The following RNF213 variants were observed in gnomAD, a reference collection of about 807,000 sequenced individuals.
RNF213 encodes the protein E3 ubiquitin-protein ligase RNF213.
In RNF213, 341 loss-of-function variants were observed where a neutral mutation model predicts 514.4. That is an observed-to-expected ratio of 0.66 (90% CI 0.61 to 0.73). The LOEUF is 0.73. Ranked by LOEUF, RNF213 falls within the 30% of genes least tolerant of loss-of-function variation. The pLI is 0.00. For missense variants in RNF213, 5,767 were observed against 6,615.6 expected, an observed-to-expected ratio of 0.87 and a Z score of 4.45; for synonymous variants, 2,655 against 2,658.2, an observed-to-expected ratio of 1.00 and a Z score of 0.04.
chr17:80,376,012 C>CGTT, intron 51 of RNF213, 142 bp downstream of exon 51: 1 of 772,394 alleles, frequency 1.3e-6, no homozygotes, highest in Non-Finnish European at 2.2e-6. Flanking sequence ...TGTGGAGGAA[C>CGTT]ACATAACCAA....
chr17:80,317,291 G>A lies in RNF213; in HGVS notation c.2901+14G>A. ...AGGCTCACAAAGGTACCAAAAGTTT[G>A]GGGGCAGTCTTTTCAGGGCGTGAAG... On this transcript the variant is annotated intron_variant, in intron 16 of 67. Coordinates refer to ENST00000582970, the MANE Select transcript of RNF213 (RefSeq NM_001256071.3). This position sits in a 1 kb window ranked among gnomAD's most constrained non-coding sequence, Gnocchi z 4.1. 1 of 1,610,390 alleles carries A rather than the reference G, an allele frequency of 6.2e-7. No homozygotes were observed.
At chr17:80,261,925 G>T (rs2043437751) in intron 1 of RNF213, among the ~76,000 whole-genome samples, 1 of 152,246 alleles carries the variant, frequency 6.6e-6, no homozygotes, top group African/African-American at 2.4e-5. Context: ...ACTGAGGCGG[G>T]AGAATCGCTA....
chr17:80,287,431 A>C (rs1397975879), intron 3 of RNF213, among the ~76,000 whole-genome samples: 6 of 152,228 alleles, frequency 3.9e-5, no homozygotes, highest in African/African-American at 1.2e-4. Context: ...TGAGCCCAGG[A>C]GGTCAAGGCT....
At chr17:80,312,722 T>G (rs1472523284) in intron 14 of RNF213, among the ~76,000 whole-genome samples, 3 of 152,206 alleles carry the variant, frequency 2.0e-5, no homozygotes, top group African/African-American at 7.2e-5. Flanking sequence ...CCTGGGGACC[T>G]GCTCATTGGC....
At position 80,376,472 on chromosome 17, in the gene RNF213, G is replaced by C. The variant is rs142055624; in HGVS notation, c.13357G>C (p.Val4453Leu). 3 of 1,614,164 alleles carry C rather than the reference G, an allele frequency of 1.9e-6. No individual in the cohort carries two copies. The South Asian group carries it at 3.3e-5, about 18-fold the overall frequency. Reference sequence around the variant, plus strand: ...AGAAATGGCCATTCATGCTGCAGCCGTCCTTCTGTGTGGACAGAATGAACT... The same window carrying C: ...AGAAATGGCCATTCATGCTGCAGCCCTCCTTCTGTGTGGACAGAATGAACT... ...VTEMAIHAAA[V>L]LLCGQNELLE... Residue 4453 changes from valine (V) to leucine (L), a missense_variant, in exon 52 of 68, where the codon GTC becomes CTC. Coordinates refer to ENST00000582970, the MANE Select transcript of RNF213 (RefSeq NM_001256071.3).
chr17:80,309,827 C>T (rs1465569194), intron 14 of RNF213, among the ~76,000 whole-genome samples: 1 of 152,014 alleles, frequency 6.6e-6, no homozygotes, highest in East Asian at 1.9e-4. Context: ...GTGATCTCGG[C>T]TTACTGCAAG....
intron 67 of RNF213, among the ~76,000 whole-genome samples, 200 bp downstream of exon 67, chr17:80,390,396 T>G (rs1255063005): frequency 6.6e-6 from 1 of 152,218 alleles, no homozygotes; most frequent in African/African-American, 2.4e-5. Flanking sequence ...ACAAGTGTTT[T>G]TCAGACAAGA....
Position 80,386,745 on chromosome 17 carries a change from G to A in RNF213, c.14776G>A (p.Glu4926Lys). ...ACTGCATGTCATCAGTTATGAAGTG[G>A]AGCGGGACCTGACTCCACTGATTCT... ...TELHVISYEV[E>K]RDLTPLILSN... The change falls in exon 63 of 68, where the codon GAG becomes AAG. Residue 4926 changes from glutamate (E) to lysine (K), a missense_variant. By Grantham distance (56) the Glu-to-Lys change is moderately conservative. Coordinates refer to ENST00000582970, the MANE Select transcript of RNF213 (RefSeq NM_001256071.3). 6.2e-7 allele frequency: 1 copy of A among 1,614,220 alleles called. No homozygotes were observed.
At position 80,348,140 on chromosome 17, in the gene RNF213, C is replaced by T. The variant is rs2078378113; in HGVS notation, c.9805C>T (p.Arg3269Trp). The change falls in exon 29 of 68, where the codon CGG (arginine) becomes TGG (tryptophan). Residue 3269 changes from arginine to tryptophan, a missense_variant. Physicochemically the swap from Arg to Trp is moderately radical, Grantham distance 101. Coordinates refer to ENST00000582970, the MANE Select transcript of RNF213 (RefSeq NM_001256071.3). The stretch of plus-strand genomic sequence containing the variant: ...CTGCGCTACGCCCGATGCCGTGGTC[C>T]GGCTGAGCGCCTACTCGCTGGGCGG... The part of the protein sequence containing the change: ...LNCATPDAVV[R>W]LSAYSLGGFA... The T allele has an allele frequency of 3.7e-6, 6 of 1,614,090 alleles. No individual in the cohort carries two copies. The highest frequency in any genetic ancestry group is 2.2e-5 in the South Asian group (2 of 91,086).
At chr17:80,381,846 T>C (rs548552861) in intron 57 of RNF213, 119 bp downstream of exon 57, 1 of 977,804 alleles carries the variant, frequency 1.0e-6, no homozygotes, top group African/African-American at 1.6e-5. Flanking sequence ...GTGCTGTTGC[T>C]GGAAAGAATG....
chr17:80,389,792 C>T, intron 65 of RNF213, 36 bp from the exon 66 acceptor site: 1 of 1,567,374 alleles, frequency 6.4e-7, no homozygotes, highest in South Asian at 1.1e-5. Context: ...GGTGTGAGAC[C>T]TCAGCCCCCA....
chr17:80,355,102 A>G lies in RNF213; in HGVS notation c.10862+526A>G, dbSNP rs559328796. Reference sequence around the variant, plus strand: ...AGGAAGGAGGGGTGCTCTGGGCCCCAGACAGAGGGTCTCTTTAAGACAGAC... The same window carrying G: ...AGGAAGGAGGGGTGCTCTGGGCCCCGGACAGAGGGTCTCTTTAAGACAGAC... On this transcript the variant is annotated intron_variant, in intron 36 of 67. Transcript: ENST00000582970. 243 of 432,004 alleles carry G rather than the reference A, an allele frequency of 5.6e-4. 4 individuals carry two copies. The highest frequency in any genetic ancestry group is 3.9e-3 in the South Asian group (242 of 61,612). 26.8% of individuals were successfully genotyped at this position (432,004 alleles called of 1,614,324 possible).
intron 3 of RNF213, among the ~76,000 whole-genome samples, chr17:80,273,808 C>CG (rs1476339749): frequency 6.6e-6 from 1 of 151,822 alleles, no homozygotes; most frequent in Non-Finnish European, 1.5e-5. Flanking sequence ...TTAGTAGAGA[C>CG]GGGGTTTCAC....
intron 3 of RNF213, among the ~76,000 whole-genome samples, chr17:80,277,960 G>T (rs1045477093): frequency 1.3e-5 from 2 of 152,232 alleles, no homozygotes; most frequent in Non-Finnish European, 2.9e-5. Context: ...AGGGCGCACA[G>T]AGAGGGGCCC....
At chr17:80,361,291 G>A (rs1013364900) in intron 38 of RNF213, among the ~76,000 whole-genome samples, 5 of 152,192 alleles carry the variant, frequency 3.3e-5, no homozygotes, top group Non-Finnish European at 7.3e-5. Context: ...GGCCAAGGCC[G>A]GCAGATCACC....
rs765089967 is a variant in RNF213, at chr17:80,354,448, C to A, written c.10734C>A (p.Phe3578Leu). Reference protein sequence around the residue: ...LNEDDACHASFLRVSKMRLSV... With the variant: ...LNEDDACHASLLRVSKMRLSV... ...GTTTCTGCCTTTGTACAGCCTCTTT[C>A]TTGCGGGTATCCAAGATGCGCCTCA... Residue 3578 changes from phenylalanine to leucine, a missense_variant, in exon 36 of 68, where the codon TTC becomes TTA. Transcript: ENST00000582970. 7.4e-6 allele frequency: 12 copies of A among 1,614,240 alleles called. No individual in the cohort carries two copies. Among genetic ancestry groups the A allele is most frequent in the Non-Finnish European group, 9.3e-6 (11 of 1,180,040 alleles).
chr17:80,302,474 C>T (rs1253836437), intron 11 of RNF213, among the ~76,000 whole-genome samples: 1 of 152,078 alleles, frequency 6.6e-6, no homozygotes, highest in Non-Finnish European at 1.5e-5. Flanking sequence ...TCTCTGTATG[C>T]ATTTGTATAC....
chr17:80,312,905 C>T, intron 14 of RNF213, 107 bp from the exon 15 acceptor site: 1 of 1,327,992 alleles, frequency 7.5e-7, no homozygotes, highest in East Asian at 2.3e-5. Flanking sequence ...GTAGCCACTC[C>T]TTGAGCAGCC....
rs967509718 is a variant in RNF213 at position 80,354,012 on chromosome 17, C to T, written c.10579-7C>T. On this transcript the variant is annotated splice_polypyrimidine_tract_variant and splice_region_variant and intron_variant, in intron 34 of 67. Coordinates refer to ENST00000582970, the MANE Select transcript of RNF213 (RefSeq NM_001256071.3). ...GAAACGGATGACCCAACCGTCTCCA[C>T]CAACAGGTGTCGATCCTGGACACCA... is the stretch of plus-strand genomic sequence containing the variant. 2 of 1,613,712 alleles carry T rather than the reference C, an allele frequency of 1.2e-6. No individual in the cohort carries two copies. Among genetic ancestry groups the T allele is most frequent in the South Asian group, 1.1e-5 (1 of 91,086 alleles).
Sources: allele counts gnomAD v4.1 joint callset (sites outside exome capture counted in the v4.1 genomes callset), GRCh38; gene constraint gnomAD v4.1.1; non-coding constraint Gnocchi (gnomAD v3.1); transcripts MANE v1.5; gene names NCBI Gene and HGNC (gene_info 2026-07-23, HGNC 2026-07-21).